The following GATAD2A variants were observed in gnomAD, a reference collection of about 807,000 sequenced individuals.
GATAD2A encodes the protein GATA zinc finger domain containing 2A, also known as transcriptional repressor p66-alpha.
In GATAD2A, 12 loss-of-function variants were observed where a neutral mutation model predicts 68.5. The ratio of observed to expected loss-of-function variants is 0.18; its 90% CI spans 0.11 to 0.28. The LOEUF (loss-of-function observed/expected upper bound fraction) is 0.28. GATAD2A is among the 10% of genes least tolerant of loss of function. The pLI, the probability that GATAD2A is intolerant of heterozygous loss-of-function variation, is 1.00. For missense variants in GATAD2A, 755 were observed against 868.5 expected (o/e 0.87, Z 1.64); for synonymous variants, 410 against 375.3 (o/e 1.09, Z -1.07).
At chr19:19,463,124 C>T (rs2057584723) in intron 1 of GATAD2A, among the ~76,000 whole-genome samples, 1 of 152,178 alleles carries the variant, frequency 6.6e-6, no homozygotes, top group Non-Finnish European at 1.5e-5. Context: ...GTCCTGGCCT[C>T]CCCTCATCTC....
In GATAD2A at chr19:19,465,588, G is replaced by T; in HGVS notation, c.243G>T (p.Gly81=). 10 of 1,612,442 alleles carry T rather than the reference G, an allele frequency of 6.2e-6. No individual in the cohort carries two copies. The highest frequency in any genetic ancestry group is 5.9e-6 in the Non-Finnish European group (7 of 1,179,266). The change falls in exon 2 of 12, where the codon GGG becomes GGT. Residue 81 remains glycine (G), a synonymous_variant. Coordinates refer to ENST00000683918, the MANE Select transcript of GATAD2A (RefSeq NM_001384528.1). ...GAGGCGAAGGGCTGGTGGGCGATGG[G>T]CCCGTGGACATGCGCACCTCACACA... ...MGRGEGLVGD[G]PVDMRTSHSD... is the part of the protein sequence containing the mutation.
At chr19:19,496,968 T>A (rs1375876932) in intron 7 of GATAD2A, among the ~76,000 whole-genome samples, 1 of 152,208 alleles carries the variant, frequency 6.6e-6, no homozygotes, top group Non-Finnish European at 1.5e-5. Context: ...AAGGTCAGGT[T>A]CGAGTGCAGA....
intron 1 of GATAD2A, among the ~76,000 whole-genome samples, chr19:19,440,956 T>TCC: frequency 1.2e-5 from 1 of 85,818 alleles, no homozygotes; most frequent in Non-Finnish European, 2.3e-5. Flanking sequence ...TTCCTTCCTT[T>TCC]TCTTCCTTCC....
In GATAD2A at chr19:19,501,935, G is replaced by A. The variant is rs376811578; in HGVS notation, c.1504-34G>A. 44 of 1,574,090 alleles carry A rather than the reference G, an allele frequency of 2.8e-5. 1 individual carries two copies. The highest frequency in any genetic ancestry group is 1.7e-4 in the Middle Eastern group (1 of 6,004). On this transcript the variant is annotated intron_variant, in intron 9 of 11. Coordinates refer to ENST00000683918, the MANE Select transcript of GATAD2A (RefSeq NM_001384528.1). The stretch of plus-strand genomic sequence containing the variant: ...GTCACCCTGGGCCGGCCAGCGGACC[G>A]CACTGACTTTGCTTTCAACCCCCGT...
chr19:19,428,175 G>A (rs1234359652), intron 1 of GATAD2A, among the ~76,000 whole-genome samples: 2 of 152,082 alleles, frequency 1.3e-5, no homozygotes, highest in African/African-American at 2.4e-5. Context: ...AATACATCAG[G>A]CATCTGAAAT....
At chr19:19,489,125 G>T (rs2059622940) in intron 2 of GATAD2A, among the ~76,000 whole-genome samples, 1 of 152,186 alleles carries the variant, frequency 6.6e-6, no homozygotes. Flanking sequence ...CCTTTAAAAA[G>T]TGAGCTTAAC....
intron 2 of GATAD2A, 137 bp from the exon 3 acceptor site, chr19:19,492,169 A>G (rs1471622216): frequency 1.9e-5 from 17 of 882,912 alleles, no homozygotes; most frequent in Non-Finnish European, 1.7e-5. Flanking sequence ...GCCATGGGGC[A>G]GGGCAGGGGA....
At chr19:19,439,425 A>G (rs2054733777) in intron 1 of GATAD2A, among the ~76,000 whole-genome samples, 1 of 152,220 alleles carries the variant, frequency 6.6e-6, no homozygotes, top group Non-Finnish European at 1.5e-5. Context: ...ACGTTGGAGC[A>G]CCACCAAGAC....
intron 4 of GATAD2A, among the ~76,000 whole-genome samples, chr19:19,493,353 G>A (rs1157662802): frequency 1.3e-5 from 2 of 152,040 alleles, no homozygotes; most frequent in Admixed American, 6.6e-5. Flanking sequence ...CACTGTGGGC[G>A]CAGGGGATGC....
At chr19:19,416,242 C>G (rs930685306) in intron 1 of GATAD2A, among the ~76,000 whole-genome samples, 1 of 152,202 alleles carries the variant, frequency 6.6e-6, no homozygotes, top group Non-Finnish European at 1.5e-5. Context: ...GCACTGGGCT[C>G]CAGTGGTTGA....
At chr19:19,456,633 G>C (rs141008294) in intron 1 of GATAD2A, among the ~76,000 whole-genome samples, 1 of 152,162 alleles carries the variant, frequency 6.6e-6, no homozygotes, top group African/African-American at 2.4e-5. Context: ...CCTCTGTTGC[G>C]CTACAGCAGA....
chr19:19,404,545 G>A (rs1359851501), upstream of GATAD2A, among the ~76,000 whole-genome samples: 1 of 152,078 alleles, frequency 6.6e-6, no homozygotes, highest in African/African-American at 2.4e-5. Flanking sequence ...TGCCGGGTGT[G>A]ATGGAACGCG....
In GATAD2A at chr19:19,506,468, G is replaced by A. The variant is rs1056143463; in HGVS notation, c.*994G>A. 4.5e-6 allele frequency: 1 copy of A among 220,324 alleles called. No individual in the cohort carries two copies. Among genetic ancestry groups the A allele is most frequent in the Non-Finnish European group, 8.8e-6 (1 of 113,610 alleles). 13.6% of individuals were successfully genotyped at this position (220,324 alleles called of 1,614,324 possible). A position where few individuals can be genotyped will look rare whatever the true frequency, so the allele number is the denominator to read the frequency against. On this transcript the variant is annotated 3_prime_UTR_variant, in exon 12 of 12. Coordinates refer to ENST00000683918, the MANE Select transcript of GATAD2A (RefSeq NM_001384528.1). ...AGCCACCCTGGCCTTGCTCCTGGGA[G>A]GTGAGCGTGCACAGGTGTGTGCAGG...
intron 7 of GATAD2A, among the ~76,000 whole-genome samples, chr19:19,497,396 C>T (rs1465710350): frequency 6.6e-6 from 1 of 152,256 alleles, no homozygotes. Flanking sequence ...ACATCCTGCC[C>T]ACCCGTGAAC....
intron 2 of GATAD2A, among the ~76,000 whole-genome samples, chr19:19,471,246 C>T (rs557810706): frequency 1.6e-5 from 2 of 122,292 alleles, no homozygotes; most frequent in South Asian, 5.7e-4. Context: ...CAGAACAAGA[C>T]TGTCTCAAAA....
At position 19,496,175 on chromosome 19, in the gene GATAD2A, G is replaced by A. The variant is rs778621123; in HGVS notation, c.880G>A (p.Val294Ile). 53 of 1,613,608 alleles carry A rather than the reference G, an allele frequency of 3.3e-5. No homozygotes were observed. Among genetic ancestry groups the A allele is most frequent in the Non-Finnish European group, 4.2e-5 (49 of 1,180,012 alleles). Residue 294 changes from valine (V) to isoleucine (I), a missense_variant, in exon 7 of 12, where the codon GTC becomes ATC. Val to Ile is a conservative substitution (Grantham distance 29). Transcript: ENST00000683918. Reference sequence around the variant, plus strand: ...GATCATCCAGCAGGGCCTCATCCGCGTCGCCAATGTTCCCAACACCAGCCT... The same window carrying A: ...GATCATCCAGCAGGGCCTCATCCGCATCGCCAATGTTCCCAACACCAGCCT... ...QRIIQQGLIRVANVPNTSLLV... is the reference protein window; with the variant it reads ...QRIIQQGLIRIANVPNTSLLV...
intron 1 of GATAD2A, among the ~76,000 whole-genome samples, chr19:19,398,763 TA>T (rs2049464765): frequency 6.7e-6 from 1 of 149,520 alleles, no homozygotes; most frequent in African/African-American, 2.5e-5. Context: ...CCGTCTCTAC[TA>T]AAATACAAAA....
chr19:19,444,957 A>T (rs1056147138), intron 1 of GATAD2A, among the ~76,000 whole-genome samples: 3 of 150,244 alleles, frequency 2.0e-5, no homozygotes, highest in Admixed American at 6.6e-5. Context: ...GGCCTGGCTG[A>T]GGTGGGGCTC....
At chr19:19,389,373 G>A (rs1051923319) in intron 1 of GATAD2A, among the ~76,000 whole-genome samples, 1 of 152,196 alleles carries the variant, frequency 6.6e-6, no homozygotes, top group Non-Finnish European at 1.5e-5. Flanking sequence ...CATTGGAACT[G>A]CAGTTCACTT....
Sources: gnomAD v4.1 joint callset for allele counts (sites outside exome capture counted in the v4.1 genomes callset) on GRCh38, gnomAD v4.1.1 for gene constraint, MANE v1.5 for transcripts, NCBI Gene and HGNC (gene_info 2026-07-23, HGNC 2026-07-21) for gene names.